LCMT2: variants seen among roughly 807,000 people sequenced by gnomAD.
LCMT2 encodes leucine carboxyl methyltransferase 2.
A neutral mutation model predicts 42.0 loss-of-function variants in LCMT2; 34 were observed. The ratio of observed to expected loss-of-function variants is 0.81; its 90% CI spans 0.62 to 1.08. The LOEUF (loss-of-function observed/expected upper bound fraction) is 1.08, where lower values mean the gene tolerates loss of function less well. Ranked by LOEUF, LCMT2 falls within the 50% of genes least tolerant of loss-of-function variation. The pLI is 0.00. For missense variants in LCMT2, 1,091 were observed against 889.4 expected, an observed-to-expected ratio of 1.23 and a Z score of -2.88; for synonymous variants, 445 against 369.5, an observed-to-expected ratio of 1.20 and a Z score of -2.34.
At position 43,330,141 on chromosome 15, in the gene LCMT2, C is replaced by T; in HGVS notation, c.349G>A (p.Asp117Asn). ...RAAVWEVDFP[D>N]VARRKAERIG... ...CTTTCTGCTTTGCGCCGCGCCACGT[C>T]CGGAAAATCCACCTCCCAGACTGCA... is the stretch of plus-strand genomic sequence containing the variant. The change falls in exon 1 of 1, where the codon GAC (aspartate) becomes AAC (asparagine). Residue 117 changes from aspartate (D) to asparagine (N), a missense_variant. By Grantham distance (23) the Asp-to-Asn change is conservative. Coordinates refer to ENST00000305641, the MANE Select transcript of LCMT2 (RefSeq NM_014793.5). 6.2e-7 allele frequency: 1 copy of T among 1,611,590 alleles called. No homozygotes were observed.
rs2043126921 is a variant in LCMT2, at chr15:43,327,945, CTG to C, written c.*482_*483del. 6.3e-6 allele frequency: 1 copy of C among 158,442 alleles called. No homozygotes were observed. The highest frequency in any genetic ancestry group is 1.4e-5 in the Non-Finnish European group (1 of 71,492). 9.8% of individuals were successfully genotyped at this position (158,442 alleles called of 1,614,324 possible). A position where few individuals can be genotyped will look rare whatever the true frequency, so the allele number is the denominator to read the frequency against. On this transcript the variant is annotated 3_prime_UTR_variant, in exon 1 of 1. Coordinates refer to ENST00000305641, the MANE Select transcript of LCMT2 (RefSeq NM_014793.5). The stretch of plus-strand genomic sequence containing the variant: ...CAAACAGGACAATGTTTTAATCAAA[CTG>C]TGACTGTGTTCATTTCAGGTTTCCT...
rs1213882702 is a variant in LCMT2, at chr15:43,329,872, T to C, written c.618A>G (p.Ala206=). The C allele has an allele frequency of 6.2e-7, 1 of 1,613,584 alleles. No homozygotes were observed. Among genetic ancestry groups the C allele is most frequent in the South Asian group, 1.1e-5 (1 of 91,086 alleles). The change falls in exon 1 of 1, where the codon GCA becomes GCG. Residue 206 remains alanine, a synonymous_variant. Coordinates refer to ENST00000305641, the MANE Select transcript of LCMT2 (RefSeq NM_014793.5). ...PESAAALIAW[A]AQRFPNALFV... ...AAAGGGCATTAGGAAAACGCTGGGC[T>C]GCCCAGGCGATGAGGGCCGCGGCAC...
In LCMT2 at chr15:43,328,743, T is replaced by G. The variant is rs1170284170; in HGVS notation, c.1747A>C (p.Ile583Leu). The G allele has an allele frequency of 1.2e-6, 2 of 1,613,886 alleles. No individual in the cohort carries two copies. The highest frequency in any genetic ancestry group is 1.7e-6 in the Non-Finnish European group (2 of 1,180,028). ...GCTGTGTGGGAGTACCTTGGGGTAATGGGAGGCTGGATGTCTACTGACTCC... is the reference window on the plus strand; with the variant it reads ...GCTGTGTGGGAGTACCTTGGGGTAAGGGGAGGCTGGATGTCTACTGACTCC... ...LWESVDIQPP[I>L]TPRYSHTAHV... The change falls in exon 1 of 1, where the codon ATT becomes CTT. Residue 583 changes from isoleucine to leucine, a missense_variant. Coordinates refer to ENST00000305641, the MANE Select transcript of LCMT2 (RefSeq NM_014793.5).
chr15:43,329,246 TC>T lies in LCMT2; in HGVS notation c.1243del (p.Asp415MetfsTer8). 6.2e-7 allele frequency: 1 copy of T among 1,613,956 alleles called. No homozygotes were observed. Among genetic ancestry groups the T allele is most frequent in the Non-Finnish European group, 8.5e-7 (1 of 1,180,006 alleles). On this transcript the variant is annotated frameshift_variant, in exon 1 of 1. Coordinates refer to ENST00000305641, the MANE Select transcript of LCMT2 (RefSeq NM_014793.5). LOFTEE classifies it high-confidence loss of function. ...TGTCATGGTGTGATAAAGGCGTCCA[TC>T]CCACTGAACTCCAGTCCCACAACTG... ...IGSCGTGVQW[D>X]GRLYHTMTRL...
rs75384461 is a variant in LCMT2, at chr15:43,324,673, A to C, written c.*3756T>G. On this transcript the variant is annotated 3_prime_UTR_variant, in exon 1 of 1. Coordinates refer to ENST00000305641, the MANE Select transcript of LCMT2 (RefSeq NM_014793.5). Reference sequence around the variant, plus strand: ...AACAAACAAACAAACAAACAAACCCAAAAAACCTCACCTTATTAACTAGTT... The same window carrying C: ...AACAAACAAACAAACAAACAAACCCCAAAAACCTCACCTTATTAACTAGTT... 1 of 153,148 alleles carries C rather than the reference A, an allele frequency of 6.5e-6. No individual in the cohort carries two copies. Among genetic ancestry groups the C allele is most frequent in the Non-Finnish European group, 1.5e-5 (1 of 68,776 alleles). The allele number at this position is 153,148 out of a possible 1,614,324, so 9.5% of individuals were successfully genotyped here.
chr15:43,330,122 G>A lies in LCMT2; in HGVS notation c.368C>T (p.Ala123Val). 6.2e-7 allele frequency: 1 copy of A among 1,612,072 alleles called. No individual in the cohort carries two copies. Among genetic ancestry groups the A allele is most frequent in the Non-Finnish European group, 8.5e-7 (1 of 1,179,944 alleles). Residue 123 changes from alanine to valine, a missense_variant, in exon 1 of 1, where the codon GCA becomes GTA. Coordinates refer to ENST00000305641, the MANE Select transcript of LCMT2 (RefSeq NM_014793.5). ...CTCTGGCGTCTCTCCAATCCTTTCTGCTTTGCGCCGCGCCACGTCCGGAAA... is the reference window on the plus strand; with the variant it reads ...CTCTGGCGTCTCTCCAATCCTTTCTACTTTGCGCCGCGCCACGTCCGGAAA... ...VDFPDVARRK[A>V]ERIGETPELC...
At position 43,330,221 on chromosome 15, in the gene LCMT2, G is replaced by A; in HGVS notation, c.269C>T (p.Ala90Val). 6.2e-7 allele frequency: 1 copy of A among 1,610,916 alleles called. No individual in the cohort carries two copies. Among genetic ancestry groups the A allele is most frequent in the Non-Finnish European group, 8.5e-7 (1 of 1,179,762 alleles). ...GCGAAAATAGAGCGAGTCGAAGCCA[G>A]CGCCGAGAGACAAGATCTGCGCGCG... ...ALRAQILSLG[A>V]GFDSLYFRLK... Residue 90 changes from alanine (A) to valine (V), a missense_variant, in exon 1 of 1, where the codon GCT (alanine) becomes GTT (valine). Coordinates refer to ENST00000305641, the MANE Select transcript of LCMT2 (RefSeq NM_014793.5).
rs2043131198 is a variant in LCMT2, at chr15:43,328,467, CTG to C, written c.2021_2022del (p.Thr674SerfsTer23). 1 of 1,614,106 alleles carries C rather than the reference CTG, an allele frequency of 6.2e-7. No homozygotes were observed. The highest frequency in any genetic ancestry group is 8.5e-7 in the Non-Finnish European group (1 of 1,179,996). On this transcript the variant is annotated frameshift_variant, in exon 1 of 1. Transcript: ENST00000305641. LOFTEE classifies it high-confidence loss of function. ...CTTAAGGAAGAAAGGTCTAATGTGACTGTATGGGGGTTGAAGTAGGTACCAAA... is the reference window on the plus strand; with the variant it reads ...CTTAAGGAAGAAAGGTCTAATGTGACTATGGGGGTTGAAGTAGGTACCAAA... ...FSFGTYFNPH[T>X]VTLDLSSLSA...
In LCMT2 at chr15:43,323,949, G is replaced by A. The variant is rs1428673374; in HGVS notation, c.*4480C>T. 6.6e-6 allele frequency: 1 copy of A among 152,174 alleles called. No homozygotes were observed. Among genetic ancestry groups the A allele is most frequent in the Non-Finnish European group, 1.5e-5 (1 of 68,032 alleles). The allele number at this position is 152,174 out of a possible 1,614,324, so 9.4% of individuals were successfully genotyped here. A position where few individuals can be genotyped will look rare whatever the true frequency, so the allele number is the denominator to read the frequency against. On this transcript the variant is annotated 3_prime_UTR_variant, in exon 1 of 1. Coordinates refer to ENST00000305641, the MANE Select transcript of LCMT2 (RefSeq NM_014793.5). Reference sequence around the variant, plus strand: ...TCTACTATGTTGGTGATAGAAAAGTGAACCAGACACAATTCCTTCCCTCAG... The same window carrying A: ...TCTACTATGTTGGTGATAGAAAAGTAAACCAGACACAATTCCTTCCCTCAG...
Position 43,330,429 on chromosome 15 carries a change from C to T in LCMT2, c.61G>A (p.Ala21Thr), listed in dbSNP as rs746410015. 3.2e-6 allele frequency: 5 copies of T among 1,558,442 alleles called. No homozygotes were observed. The highest frequency in any genetic ancestry group is 4.3e-6 in the Non-Finnish European group (5 of 1,160,290). The change falls in exon 1 of 1, where the codon GCC becomes ACC. Residue 21 changes from alanine (A) to threonine (T), a missense_variant. Ala to Thr is a moderately conservative substitution (Grantham distance 58). Transcript: ENST00000305641. ...GCGGCCAGGGAACGCTTGCTGAGGGCGCTGCTGTCGTTGGTGTTCTGTACC... is the reference window on the plus strand; with the variant it reads ...GCGGCCAGGGAACGCTTGCTGAGGGTGCTGCTGTCGTTGGTGTTCTGTACC... ...GAVQNTNDSS[A>T]LSKRSLAARG... is the part of the protein sequence containing the mutation.
Position 43,329,076 on chromosome 15 carries a change from T to C in LCMT2, c.1414A>G (p.Lys472Glu), listed in dbSNP as rs778874941. 6.2e-7 allele frequency: 1 copy of C among 1,614,158 alleles called. No individual in the cohort carries two copies. The highest frequency in any genetic ancestry group is 8.5e-7 in the Non-Finnish European group (1 of 1,180,038). The change falls in exon 1 of 1, where the codon AAG (lysine) becomes GAG (glutamate). Residue 472 changes from lysine (K) to glutamate (E), a missense_variant. By Grantham distance (56) the Lys-to-Glu change is moderately conservative (BLOSUM62 1). Coordinates refer to ENST00000305641, the MANE Select transcript of LCMT2 (RefSeq NM_014793.5). ...CAACAACACAAAGTGGAATCATCCT[T>C]TCGGCCAGCCTTTGTTATTGTCACT... ...LKVTITKAGR[K>E]DDSTLCCWRH...
chr15:43,330,057 C>G lies in LCMT2; in HGVS notation c.433G>C (p.Ala145Pro). The change falls in exon 1 of 1, where the codon GCG becomes CCG. Residue 145 changes from alanine (A) to proline (P), a missense_variant. Physicochemically the swap from Ala to Pro is conservative, Grantham distance 27 (BLOSUM62 -1). Coordinates refer to ENST00000305641, the MANE Select transcript of LCMT2 (RefSeq NM_014793.5). ...GCGCTCTCAAAGCACAGCGCGGACG[C>G]GGGCTCCCCCCTCTCGAAAGGCCCG... ...LTGPFERGEP[A>P]SALCFESADY... 1 of 1,612,408 alleles carries G rather than the reference C, an allele frequency of 6.2e-7. No homozygotes were observed. Among genetic ancestry groups the G allele is most frequent in the Non-Finnish European group, 8.5e-7 (1 of 1,179,930 alleles).
At position 43,329,716 on chromosome 15, in the gene LCMT2, G is replaced by T. The variant is rs767882130; in HGVS notation, c.774C>A (p.Phe258Leu). 1 of 1,613,314 alleles carries T rather than the reference G, an allele frequency of 6.2e-7. No homozygotes were observed. Among genetic ancestry groups the T allele is most frequent in the African/African-American group, 1.3e-5 (1 of 74,948 alleles). ...CGCAGGCGGTCCAGCCAGCTTGAAG[G>T]AAGCGGCGCCGCTGCGCCTCCACGT... ...FPDVEAQRRR[F>L]LQAGWTACGA... The change falls in exon 1 of 1, where the codon TTC becomes TTA. Residue 258 changes from phenylalanine to leucine, a missense_variant. Transcript: ENST00000305641.
At position 43,323,853 on chromosome 15, in the gene LCMT2, T is replaced by C. The variant is rs1024695718; in HGVS notation, c.*4576A>G. 1 of 152,192 alleles carries C rather than the reference T, an allele frequency of 6.6e-6. No individual in the cohort carries two copies. Among genetic ancestry groups the C allele is most frequent in the Non-Finnish European group, 1.5e-5 (1 of 68,032 alleles). The allele number at this position is 152,192 out of a possible 1,614,324, so 9.4% of individuals were successfully genotyped here. A position where few individuals can be genotyped will look rare whatever the true frequency, so the allele number is the denominator to read the frequency against. On this transcript the variant is annotated 3_prime_UTR_variant, in exon 1 of 1. Transcript: ENST00000305641. Reference sequence around the variant, plus strand: ...TTGACATCAGTTTGTGCATAAGAACTATAGTAATATTCAAATATAATTTAT... The same window carrying C: ...TTGACATCAGTTTGTGCATAAGAACCATAGTAATATTCAAATATAATTTAT...
In LCMT2 at chr15:43,329,211, C is replaced by G; in HGVS notation, c.1279G>C (p.Glu427Gln). 1.2e-6 allele frequency: 2 copies of G among 1,614,074 alleles called. No individual in the cohort carries two copies. The highest frequency in any genetic ancestry group is 1.7e-6 in the Non-Finnish European group (2 of 1,180,038). The change falls in exon 1 of 1, where the codon GAG becomes CAG. Residue 427 changes from glutamate (E) to glutamine (Q), a missense_variant. Coordinates refer to ENST00000305641, the MANE Select transcript of LCMT2 (RefSeq NM_014793.5). ...RLYHTMTRLS[E>Q]SRVLVLGGRL... Reference sequence around the variant, plus strand: ...CCTCCCAGAACCAGAACCCGACTCTCTGAGAGTCTTGTCATGGTGTGATAA... The same window carrying G: ...CCTCCCAGAACCAGAACCCGACTCTGTGAGAGTCTTGTCATGGTGTGATAA...
At position 43,326,359 on chromosome 15, in the gene LCMT2, C is replaced by T. The variant is rs1404605734; in HGVS notation, c.*2070G>A. On this transcript the variant is annotated 3_prime_UTR_variant, in exon 1 of 1. Coordinates refer to ENST00000305641, the MANE Select transcript of LCMT2 (RefSeq NM_014793.5). ...CAGATGTCTTCCCAGCTGTAATAAG[C>T]CCTGTTTCCCAGGACTCAGTCATAG... 1 of 152,196 alleles carries T rather than the reference C, an allele frequency of 6.6e-6. No homozygotes were observed. The highest frequency in any genetic ancestry group is 1.5e-5 in the Non-Finnish European group (1 of 68,040). The allele number at this position is 152,196 out of a possible 1,614,324, so 9.4% of individuals were successfully genotyped here. A position where few individuals can be genotyped will look rare whatever the true frequency, so the allele number is the denominator to read the frequency against.
chr15:43,329,682 C>G lies in LCMT2; in HGVS notation c.808G>C (p.Asp270His), dbSNP rs1430797273. ...QAGWTACGAVDMNEFYHCFLP... is the reference protein window; with the variant it reads ...QAGWTACGAVHMNEFYHCFLP... ...AAGCAGTGATAGAATTCATTCATGT[C>G]CACGGCACCGCAGGCGGTCCAGCCA... The change falls in exon 1 of 1, where the codon GAC becomes CAC. Residue 270 changes from aspartate (D) to histidine (H), a missense_variant. Coordinates refer to ENST00000305641, the MANE Select transcript of LCMT2 (RefSeq NM_014793.5). 2 of 1,613,510 alleles carry G rather than the reference C, an allele frequency of 1.2e-6. No homozygotes were observed. Among genetic ancestry groups the G allele is most frequent in the African/African-American group, 2.7e-5 (2 of 74,956 alleles).
Position 43,330,071 on chromosome 15 carries a change from T to G in LCMT2, c.419A>C (p.Glu140Ala), listed in dbSNP as rs754423088. The G allele has an allele frequency of 6.2e-7, 1 of 1,612,212 alleles. No homozygotes were observed. Among genetic ancestry groups the G allele is most frequent in the East Asian group, 2.2e-5 (1 of 44,850 alleles). ...PELCALTGPF[E>A]RGEPASALCF... ...CAGCGCGGACGCGGGCTCCCCCCTC[T>G]CGAAAGGCCCGGTTAACGCGCACAG... Residue 140 changes from glutamate (E) to alanine (A), a missense_variant, in exon 1 of 1, where the codon GAG becomes GCG. Glu to Ala is a moderately radical substitution (Grantham distance 107, BLOSUM62 -1). Coordinates refer to ENST00000305641, the MANE Select transcript of LCMT2 (RefSeq NM_014793.5).
At position 43,328,133 on chromosome 15, in the gene LCMT2, T is replaced by C. The variant is rs1241415191; in HGVS notation, c.*296A>G. 3.3e-6 allele frequency: 1 copy of C among 300,416 alleles called. No homozygotes were observed. The highest frequency in any genetic ancestry group is 6.2e-6 in the Non-Finnish European group (1 of 161,816). 18.6% of individuals were successfully genotyped at this position (300,416 alleles called of 1,614,324 possible). On this transcript the variant is annotated 3_prime_UTR_variant, in exon 1 of 1. Transcript: ENST00000305641. ...ATCACAAGGCCTGGGATTGGGAAAT[T>C]GTTTTACTTTACTAAAGACCACTGT...
Sources: gnomAD v4.1 joint callset for allele counts on GRCh38, gnomAD v4.1.1 for gene constraint, MANE v1.5 for transcripts, NCBI Gene and HGNC (gene_info 2026-07-23, HGNC 2026-07-21) for gene names.